The following TMEM132C variants were observed in gnomAD, a reference collection of about 807,000 sequenced individuals.
TMEM132C encodes the protein transmembrane protein 132C.
Under a neutral mutation model 61.4 loss-of-function variants are expected in TMEM132C, and 29 were observed. The observed-to-expected ratio is 0.47, with a 90% CI of 0.35 to 0.64. The LOEUF is 0.64. Ranked by LOEUF, TMEM132C falls within the 30% of genes least tolerant of loss-of-function variation. The pLI, the probability that TMEM132C is intolerant of heterozygous loss-of-function variation, is 0.00. For missense variants in TMEM132C, 1,408 were observed against 1,476.9 expected (o/e 0.95, Z 0.76); for synonymous variants, 656 against 633.1 (o/e 1.04, Z -0.54).
intron 1 of TMEM132C, among the ~76,000 whole-genome samples, chr12:128,323,292 G>A (rs190868181): frequency 1.9e-4 from 29 of 152,352 alleles, no homozygotes; most frequent in Non-Finnish European, 3.5e-4. Flanking sequence ...GATGGGGGAC[G>A]TGGAAGACAA....
intron 2 of TMEM132C, among the ~76,000 whole-genome samples, chr12:128,454,005 A>G (rs1224032982): frequency 5.9e-5 from 9 of 152,226 alleles, no homozygotes; most frequent in Non-Finnish European, 1.2e-4. Context: ...AAGACCTAAC[A>G]TGAAAAAGAT....
chr12:128,557,690 G>A (rs909000627), intron 3 of TMEM132C, among the ~76,000 whole-genome samples: 1 of 152,212 alleles, frequency 6.6e-6, no homozygotes, highest in Non-Finnish European at 1.5e-5. Flanking sequence ...GAGCCACCAT[G>A]CTATGCAAAG....
rs1225682137 is a variant in TMEM132C, at chr12:128,308,241, C to T, written c.85+40754C>T. On this transcript the variant is annotated intron_variant, in intron 1 of 8. Coordinates refer to ENST00000435159, the MANE Select transcript of TMEM132C (RefSeq NM_001136103.3). ...GGGACCCAGATCTTTCCCTGGACTTCCCCCTTGCAGGAGTCCATAATAGTC... is the reference window on the plus strand; with the variant it reads ...GGGACCCAGATCTTTCCCTGGACTTTCCCCTTGCAGGAGTCCATAATAGTC... Among the ~76,000 whole-genome samples the T allele has an allele frequency of 2.0e-5, 3 of 152,330 alleles. No homozygotes were observed. The East Asian group carries it at 5.8e-4, about 29-fold the overall frequency.
chr12:128,416,759 T>A (rs1363555279), intron 2 of TMEM132C, among the ~76,000 whole-genome samples: 1 of 152,226 alleles, frequency 6.6e-6, no homozygotes, highest in East Asian at 1.9e-4. Flanking sequence ...GAAGTATGCA[T>A]CTTGTCATGA....
At chr12:128,661,597 AG>A (rs1348593771) in intron 4 of TMEM132C, among the ~76,000 whole-genome samples, 1 of 151,784 alleles carries the variant, frequency 6.6e-6, no homozygotes, top group African/African-American at 2.4e-5. Context: ...ATGCACATGG[AG>A]GGATTCAGTT....
intron 3 of TMEM132C, among the ~76,000 whole-genome samples, chr12:128,605,570 A>G (rs1228824422): frequency 6.6e-6 from 1 of 152,174 alleles, no homozygotes; most frequent in Non-Finnish European, 1.5e-5. Context: ...ACCCTCACAG[A>G]GACCAGATGG....
At chr12:128,456,549 G>C (rs1441967959) in intron 2 of TMEM132C, among the ~76,000 whole-genome samples, 1 of 151,218 alleles carries the variant, frequency 6.6e-6, no homozygotes, top group African/African-American at 2.4e-5. Flanking sequence ...TGGGACCACA[G>C]GTGCCTGCTA....
chr12:128,705,581 C>T lies in TMEM132C; in HGVS notation c.2613C>T (p.Asn871=), dbSNP rs1954832301. Residue 871 remains asparagine, a synonymous_variant, in exon 9 of 9, where the codon AAC becomes AAT. Transcript: ENST00000435159. ...TGCTGGACAACAAAGTGGTGAAGAA[C>T]AGTCGGGCAGACGGGGGCAGGCTGG... ...RSLLDNKVVK[N]SRADGGRLAG... 1 of 1,551,150 alleles carries T rather than the reference C, an allele frequency of 6.4e-7. No homozygotes were observed. The highest frequency in any genetic ancestry group is 8.7e-7 in the Non-Finnish European group (1 of 1,146,988).
chr12:128,292,715 G>T (rs1397858591), intron 1 of TMEM132C, among the ~76,000 whole-genome samples: 4 of 151,590 alleles, frequency 2.6e-5, no homozygotes, highest in African/African-American at 9.7e-5. Flanking sequence ...ATTCCTAGAT[G>T]AGGTACTTCA....
chr12:128,314,381 T>C (rs75254217), intron 1 of TMEM132C, among the ~76,000 whole-genome samples: 49,965 of 152,024 alleles, frequency 0.33, 8,634 homozygotes, highest in East Asian at 0.47. Flanking sequence ...AAAATTGCAG[T>C]TGAATGTGTC....
intron 1 of TMEM132C, among the ~76,000 whole-genome samples, chr12:128,365,026 C>T (rs1043716544): frequency 3.9e-5 from 6 of 152,156 alleles, no homozygotes; most frequent in Admixed American, 6.5e-5. Flanking sequence ...TCAGATCAAC[C>T]CCTCTCTGTT....
At chr12:128,661,329 T>C (rs992298859) in intron 4 of TMEM132C, among the ~76,000 whole-genome samples, 2 of 152,130 alleles carry the variant, frequency 1.3e-5, no homozygotes, top group Non-Finnish European at 2.9e-5. Flanking sequence ...ATCTACAAAA[T>C]CCCATCACAG....
intron 2 of TMEM132C, among the ~76,000 whole-genome samples, chr12:128,542,823 T>C (rs909626296): frequency 6.4e-5 from 9 of 139,714 alleles, no homozygotes; most frequent in East Asian, 2.1e-4. Context: ...ATTGCACCAC[T>C]GTACTCCAGC....
intron 2 of TMEM132C, among the ~76,000 whole-genome samples, chr12:128,425,040 G>A (rs1458246805): frequency 3.3e-5 from 5 of 152,178 alleles, no homozygotes; most frequent in South Asian, 2.1e-4. Context: ...ACACTTCTGC[G>A]CCTATATGGC....
chr12:128,707,233 C>G lies in TMEM132C; in HGVS notation c.*938C>G, dbSNP rs1015860307. 6.6e-6 allele frequency: 1 copy of G among 152,158 alleles called. No individual in the cohort carries two copies. Among genetic ancestry groups the G allele is most frequent in the Non-Finnish European group, 1.5e-5 (1 of 68,044 alleles). The allele number at this position is 152,158 out of a possible 1,614,324, so 9.4% of individuals were successfully genotyped here. A position where few individuals can be genotyped will look rare whatever the true frequency, so the allele number is the denominator to read the frequency against. On this transcript the variant is annotated 3_prime_UTR_variant, in exon 9 of 9. Transcript: ENST00000435159. ...CGGGATGTGGCCAGGAGAACAGAGC[C>G]CCACCTGGACCACCTGACCCCTCGG... is the stretch of plus-strand genomic sequence containing the variant.
intron 1 of TMEM132C, among the ~76,000 whole-genome samples, chr12:128,406,874 G>T (rs1875367616): frequency 6.6e-6 from 1 of 152,206 alleles, no homozygotes; most frequent in African/African-American, 2.4e-5. Context: ...AGCCAGGCAT[G>T]AGTTTCAGCT....
At position 128,504,392 on chromosome 12, in the gene TMEM132C, A is replaced by G. The variant is rs144114456; in HGVS notation, c.975-39565A>G. Among the ~76,000 whole-genome samples, 175 of 152,350 alleles carry G rather than the reference A, an allele frequency of 1.1e-3. 2 individuals are homozygous for G. The highest frequency in any genetic ancestry group is 6.8e-3 in the Middle Eastern group (2 of 294). On this transcript the variant is annotated intron_variant, in intron 2 of 8. Coordinates refer to ENST00000435159, the MANE Select transcript of TMEM132C (RefSeq NM_001136103.3). ...AAGTCACATTTTAAGGGGAATGTATATAGTGAAAGTCAATGTTGGACAATC... is the reference window on the plus strand; with the variant it reads ...AAGTCACATTTTAAGGGGAATGTATGTAGTGAAAGTCAATGTTGGACAATC...
Position 128,616,255 on chromosome 12 carries a change from C to G in TMEM132C, c.1225C>G (p.Arg409Gly), listed in dbSNP as rs368942654. 2 of 1,551,768 alleles carry G rather than the reference C, an allele frequency of 1.3e-6. No individual in the cohort carries two copies. The highest frequency in any genetic ancestry group is 3.9e-5 in the Admixed American group (2 of 50,994). ...QPITWQVEYP[R>G]KGTTDIAVSE... ...CATCACGTGGCAGGTGGAGTACCCACGGAAGGGGACCACAGACATCGCCGT... is the reference window on the plus strand; with the variant it reads ...CATCACGTGGCAGGTGGAGTACCCAGGGAAGGGGACCACAGACATCGCCGT... Residue 409 changes from arginine to glycine, a missense_variant, in exon 4 of 9, where the codon CGG becomes GGG. Physicochemically the swap from Arg to Gly is moderately radical, Grantham distance 125. Coordinates refer to ENST00000435159, the MANE Select transcript of TMEM132C (RefSeq NM_001136103.3).
chr12:128,497,534 G>A (rs1276179574), intron 2 of TMEM132C, among the ~76,000 whole-genome samples: 1 of 152,196 alleles, frequency 6.6e-6, no homozygotes, highest in African/African-American at 2.4e-5. Flanking sequence ...GCAATGGCAG[G>A]CGCCCCTCCC....
Sources: allele counts gnomAD v4.1 joint callset (sites outside exome capture counted in the v4.1 genomes callset), GRCh38; gene constraint gnomAD v4.1.1; transcripts MANE v1.5; gene names NCBI Gene and HGNC (gene_info 2026-07-23, HGNC 2026-07-21).